HPSE2: variants seen among roughly 807,000 people sequenced by gnomAD.
HPSE2 encodes heparanase 2 (inactive).
A neutral mutation model predicts 60.5 loss-of-function variants in HPSE2; 38 were observed. The observed-to-expected ratio is 0.63, with a 90% CI of 0.48 to 0.82. The LOEUF is 0.82. Ranked by LOEUF, HPSE2 falls within the 40% of genes least tolerant of loss-of-function variation. HPSE2 has a pLI of 0.00. For missense variants in HPSE2, 713 were observed against 740.4 expected (o/e 0.96, Z 0.43); for synonymous variants, 295 against 293.2 (o/e 1.01, Z -0.06).
intron 7 of HPSE2, among the ~76,000 whole-genome samples, chr10:98,626,673 A>G (rs916840821): frequency 2.0e-5 from 3 of 152,226 alleles, no homozygotes; most frequent in Non-Finnish European, 2.9e-5. Flanking sequence ...ATATTATAAT[A>G]AAATGATGTT....
At chr10:98,958,063 A>G (rs771365113) in intron 3 of HPSE2, among the ~76,000 whole-genome samples, 12 of 152,134 alleles carry the variant, frequency 7.9e-5, no homozygotes, top group Non-Finnish European at 1.6e-4. Flanking sequence ...TGAGTCACTG[A>G]TCTTCCAGAA....
At chr10:98,620,200 C>A (rs189275041) in intron 8 of HPSE2, among the ~76,000 whole-genome samples, 4 of 152,314 alleles carry the variant, frequency 2.6e-5, no homozygotes, top group East Asian at 3.9e-4. Flanking sequence ...ATGTAGTTAT[C>A]TCCTATCCCA....
At chr10:98,797,639 C>A (rs1021636721) in intron 3 of HPSE2, among the ~76,000 whole-genome samples, 2 of 151,838 alleles carry the variant, frequency 1.3e-5, no homozygotes, top group African/African-American at 4.8e-5. Flanking sequence ...ATCAGGCGAT[C>A]AAGACCATCC....
chr10:98,966,039 T>C (rs1333236033), intron 3 of HPSE2, among the ~76,000 whole-genome samples: 3 of 152,044 alleles, frequency 2.0e-5, no homozygotes, highest in African/African-American at 7.2e-5. Flanking sequence ...TACAGGTGCC[T>C]GCCACCACTC....
chr10:98,457,403 G>A lies in HPSE2; in HGVS notation c.*2171C>T, dbSNP rs1940094833. The A allele has an allele frequency of 1.3e-5, 2 of 152,136 alleles. No homozygotes were observed. Among genetic ancestry groups the A allele is most frequent in the Non-Finnish European group, 2.9e-5 (2 of 68,040 alleles). The allele number at this position is 152,136 out of a possible 1,614,324, so 9.4% of individuals were successfully genotyped here. Reference sequence around the variant, plus strand: ...CCCGGGTGCCCCTGGGCGAGCCATGGATCCTCTCCATGCCTCGTAGGAAAA... The same window carrying A: ...CCCGGGTGCCCCTGGGCGAGCCATGAATCCTCTCCATGCCTCGTAGGAAAA... On this transcript the variant is annotated 3_prime_UTR_variant, in exon 12 of 12. Coordinates refer to ENST00000370552, the MANE Select transcript of HPSE2 (RefSeq NM_021828.5).
At chr10:98,764,849 A>T (rs1950085303) in intron 3 of HPSE2, among the ~76,000 whole-genome samples, 1 of 152,150 alleles carries the variant, frequency 6.6e-6, no homozygotes, top group African/African-American at 2.4e-5. Context: ...AGAGAGCCAG[A>T]GAGCCAGACT....
intron 3 of HPSE2, among the ~76,000 whole-genome samples, chr10:98,869,147 A>AT (rs886065885): frequency 3.1e-4 from 46 of 150,670 alleles, no homozygotes; most frequent in Non-Finnish European, 4.3e-4. Flanking sequence ...ATCCTTAGTG[A>AT]TTTTTTTTTG....
At chr10:98,574,039 C>T (rs181551190) in intron 9 of HPSE2, among the ~76,000 whole-genome samples, 7 of 152,114 alleles carry the variant, frequency 4.6e-5, no homozygotes, top group African/African-American at 1.7e-4. Context: ...AGCTCTCATC[C>T]CCCAACCCCT....
At chr10:99,034,370 C>T (rs1957563607) in intron 3 of HPSE2, among the ~76,000 whole-genome samples, 1 of 152,076 alleles carries the variant, frequency 6.6e-6, no homozygotes, top group African/African-American at 2.4e-5. Context: ...AAACTATCAA[C>T]AGGTACCATG....
chr10:98,460,406 C>A (rs904656269), intron 11 of HPSE2, among the ~76,000 whole-genome samples: 3 of 151,998 alleles, frequency 2.0e-5, no homozygotes, highest in Non-Finnish European at 4.4e-5. Context: ...GAGGGAGGAT[C>A]GCTTGAGTCC....
At chr10:98,999,161 G>GTT (rs1167828729) in intron 3 of HPSE2, among the ~76,000 whole-genome samples, 5 of 145,048 alleles carry the variant, frequency 3.4e-5, no homozygotes, top group Non-Finnish European at 6.1e-5. Flanking sequence ...GACTACGTGT[G>GTT]TGTGTGTGTG....
At chr10:99,138,794 T>C (rs972452468) in intron 3 of HPSE2, among the ~76,000 whole-genome samples, 1 of 151,998 alleles carries the variant, frequency 6.6e-6, no homozygotes, top group Non-Finnish European at 1.5e-5. Context: ...CTAATGTAGG[T>C]GACAGGTTGA....
chr10:98,519,163 T>G (rs1334977153), intron 9 of HPSE2, among the ~76,000 whole-genome samples: 1 of 152,202 alleles, frequency 6.6e-6, no homozygotes, highest in Non-Finnish European at 1.5e-5. Flanking sequence ...CAGATAGATA[T>G]TAGAAGGGCT....
chr10:98,945,120 C>T (rs1332018793), intron 3 of HPSE2, among the ~76,000 whole-genome samples: 1 of 152,044 alleles, frequency 6.6e-6, no homozygotes, highest in Non-Finnish European at 1.5e-5. Context: ...AATCAATATA[C>T]CTTTTGTGTA....
rs149299901 is a variant in HPSE2 at position 98,541,421 on chromosome 10, C to T, written c.1321-51225G>A. 9.0e-3 allele frequency among the ~76,000 whole-genome samples: 1,364 copies of T among 152,292 alleles called. 14 individuals carry two copies. Among genetic ancestry groups the T allele is most frequent in the African/African-American group, 0.031 (1,297 of 41,564 alleles). Reference sequence around the variant, plus strand: ...AGATGGGTGATTTCTGCATTTCCATCTGAGGTACCGGGTTCATCTCACTAG... The same window carrying T: ...AGATGGGTGATTTCTGCATTTCCATTTGAGGTACCGGGTTCATCTCACTAG... On this transcript the variant is annotated intron_variant, in intron 9 of 11. Coordinates refer to ENST00000370552, the MANE Select transcript of HPSE2 (RefSeq NM_021828.5).
chr10:99,231,892 C>A (rs1166782976), intron 2 of HPSE2, among the ~76,000 whole-genome samples: 1 of 152,172 alleles, frequency 6.6e-6, no homozygotes, highest in Non-Finnish European at 1.5e-5. Context: ...CAGAAAGGCA[C>A]TTTGCCTAGA....
chr10:98,704,701 A>G (rs1948501127), intron 5 of HPSE2, among the ~76,000 whole-genome samples: 1 of 152,198 alleles, frequency 6.6e-6, no homozygotes, highest in Non-Finnish European at 1.5e-5. Context: ...AAAACTGGCT[A>G]GCCATATGCG....
chr10:98,950,684 G>A (rs753130587), intron 3 of HPSE2, among the ~76,000 whole-genome samples: 6 of 151,914 alleles, frequency 3.9e-5, no homozygotes, highest in Admixed American at 2.6e-4. Context: ...TGGTGATGGC[G>A]GAACACACCA....
At chr10:99,267,763 G>A in the HPSE2 span, among the ~76,000 whole-genome samples, 3 of 143,044 alleles carry the variant, frequency 2.1e-5, no homozygotes, top group South Asian at 6.9e-4. Flanking sequence ...CTGGGCAACA[G>A]AGCGAGACTC....
Sources: gnomAD v4.1 joint callset for allele counts (sites outside exome capture counted in the v4.1 genomes callset) on GRCh38, gnomAD v4.1.1 for gene constraint, MANE v1.5 for transcripts, NCBI Gene and HGNC (gene_info 2026-07-23, HGNC 2026-07-21) for gene names.